The following DENND5A variants were observed in gnomAD, a reference collection of about 807,000 sequenced individuals.
DENND5A encodes DENN domain containing 5A, also known as DENN domain-containing protein 5A.
DENND5A carries 64 observed loss-of-function variants against 140.3 expected under a neutral mutation model. The observed-to-expected ratio is 0.46, with a 90% CI of 0.37 to 0.56. The LOEUF (loss-of-function observed/expected upper bound fraction) is 0.56, where lower values mean the gene tolerates loss of function less well. DENND5A is among the 20% of genes least tolerant of loss of function. The pLI is 0.00. For synonymous variants in DENND5A, 605 were observed against 607.7 expected (o/e 1.00, Z 0.07); for missense variants, 1,292 against 1,593.8 (o/e 0.81, Z 3.22).
intron 1 of DENND5A, among the ~76,000 whole-genome samples, chr11:9,236,637 C>T (rs1851015265): frequency 1.3e-5 from 2 of 151,884 alleles, no homozygotes; most frequent in Admixed American, 6.6e-5. Flanking sequence ...ATCTCAGCTA[C>T]TCGGGAGGCT....
chr11:9,191,929 G>A (rs1035359014), intron 5 of DENND5A, among the ~76,000 whole-genome samples: 3 of 152,072 alleles, frequency 2.0e-5, no homozygotes, highest in South Asian at 2.1e-4. Flanking sequence ...TTCTCCAGTC[G>A]ACTCTTCAGG....
intron 1 of DENND5A, among the ~76,000 whole-genome samples, chr11:9,245,739 T>A (rs1564938162): frequency 6.6e-6 from 1 of 151,994 alleles, no homozygotes; most frequent in African/African-American, 2.4e-5. Context: ...ATTCAAGTGA[T>A]TCTCCTGCCT....
chr11:9,240,239 C>T (rs954309899), intron 1 of DENND5A, among the ~76,000 whole-genome samples: 3 of 151,958 alleles, frequency 2.0e-5, no homozygotes, highest in East Asian at 1.9e-4. Flanking sequence ...ACTAAAAATA[C>T]AAAAATTAAC....
chr11:9,150,015 A>G, intron 15 of DENND5A, 66 bp downstream of exon 15: 1 of 1,548,890 alleles, frequency 6.5e-7, no homozygotes, highest in Admixed American at 2.0e-5. Context: ...CCCTTCCCAC[A>G]CAAGTTTCCA....
At chr11:9,181,206 T>A (rs964754577) in intron 5 of DENND5A, 122 bp from the exon 6 acceptor site, 1 of 795,412 alleles carries the variant, frequency 1.3e-6, no homozygotes, top group Non-Finnish European at 2.0e-6. Context: ...ATTTGAGATA[T>A]GGTATAAGGA....
At chr11:9,250,044 T>A (rs55728618) in intron 1 of DENND5A, among the ~76,000 whole-genome samples, 34,871 of 138,402 alleles carry the variant, frequency 0.25, 4,598 homozygotes, top group African/African-American at 0.38. Flanking sequence ...AAATAAAATT[T>A]AAAAAAAAAA....
chr11:9,185,647 G>A (rs900078592), intron 5 of DENND5A, among the ~76,000 whole-genome samples: 2 of 152,196 alleles, frequency 1.3e-5, no homozygotes, highest in African/African-American at 4.8e-5. Context: ...TGCACGTTCT[G>A]CACATGTATC....
At chr11:9,222,302 A>ACC (rs1554929238) in intron 1 of DENND5A, among the ~76,000 whole-genome samples, 2 of 151,706 alleles carry the variant, frequency 1.3e-5, no homozygotes, top group Non-Finnish European at 2.9e-5. Flanking sequence ...AAAAGACAGT[A>ACC]TCTTTTTTAA....
intron 1 of DENND5A, among the ~76,000 whole-genome samples, chr11:9,213,001 A>ATTTTTT (rs71062814): frequency 7.9e-6 from 1 of 126,298 alleles, no homozygotes; most frequent in African/African-American, 3.0e-5. Context: ...CCTGGTTCTG[A>ATTTTTT]TTTTTTTTTT....
intron 1 of DENND5A, among the ~76,000 whole-genome samples, chr11:9,226,966 C>T (rs1756143666): frequency 6.6e-6 from 1 of 151,932 alleles, no homozygotes; most frequent in South Asian, 2.1e-4. Context: ...GTCAGGAGTT[C>T]GAGACCAGGG....
At chr11:9,157,323 A>C (rs1847839926) in intron 12 of DENND5A, among the ~76,000 whole-genome samples, 1 of 152,168 alleles carries the variant, frequency 6.6e-6, no homozygotes, top group Non-Finnish European at 1.5e-5. Flanking sequence ...AAAGATATTT[A>C]TTTAATTCTT....
chr11:9,251,882 G>A (rs912701059), intron 1 of DENND5A, among the ~76,000 whole-genome samples: 43 of 151,910 alleles, frequency 2.8e-4, no homozygotes, highest in African/African-American at 8.0e-4. Context: ...TCAGCTACTC[G>A]GGAGGCTGAG....
At chr11:9,188,061 TCC>T (rs1848981088) in intron 5 of DENND5A, among the ~76,000 whole-genome samples, 1 of 152,152 alleles carries the variant, frequency 6.6e-6, no homozygotes, top group Admixed American at 6.5e-5. Context: ...TTTGGCTGTG[TCC>T]CCACCCAAAT....
At chr11:9,258,207 T>C (rs1316543996) in intron 1 of DENND5A, among the ~76,000 whole-genome samples, 1 of 150,006 alleles carries the variant, frequency 6.7e-6, no homozygotes, top group African/African-American at 2.5e-5. Flanking sequence ...TGGCATGGCA[T>C]GGTGGTTTGC....
At chr11:9,220,836 T>C (rs1374435527) in intron 1 of DENND5A, among the ~76,000 whole-genome samples, 1 of 151,604 alleles carries the variant, frequency 6.6e-6, no homozygotes, top group Admixed American at 6.6e-5. Flanking sequence ...GAGGTTGCAG[T>C]AAGCTGAGAT....
At chr11:9,262,776 C>T (rs1463123880) in intron 1 of DENND5A, among the ~76,000 whole-genome samples, 1 of 152,118 alleles carries the variant, frequency 6.6e-6, no homozygotes, top group Non-Finnish European at 1.5e-5. Context: ...CTCTGTCGCC[C>T]AGGCTAGAGT....
chr11:9,188,058 G>A (rs1590249992), intron 5 of DENND5A, among the ~76,000 whole-genome samples: 1 of 152,186 alleles, frequency 6.6e-6, no homozygotes. Flanking sequence ...TGGTTTGGCT[G>A]TGTCCCCACC....
At chr11:9,198,560 G>C (rs566515029) in intron 4 of DENND5A, among the ~76,000 whole-genome samples, 1 of 151,600 alleles carries the variant, frequency 6.6e-6, no homozygotes, top group African/African-American at 2.4e-5. Flanking sequence ...GCAGTGAGCC[G>C]AGATTGCGCC....
At chr11:9,143,286 G>C (rs931872234) in intron 20 of DENND5A, 117 bp downstream of exon 20, 2 of 909,694 alleles carry the variant, frequency 2.2e-6, no homozygotes, top group Non-Finnish European at 3.6e-6. Context: ...CACTCTACAA[G>C]ACTCTAGGGT....
Sources: gnomAD v4.1 joint callset for allele counts (sites outside exome capture counted in the v4.1 genomes callset) on GRCh38, gnomAD v4.1.1 for gene constraint, MANE v1.5 for transcripts, NCBI Gene and HGNC (gene_info 2026-07-23, HGNC 2026-07-21) for gene names.